Variants in TSPOAP1 observed in about 807,000 individuals in gnomAD.
TSPOAP1 encodes the protein peripheral-type benzodiazepine receptor-associated protein 1.
Under a neutral mutation model 197.0 loss-of-function variants are expected in TSPOAP1, and 87 were observed. That is an observed-to-expected ratio of 0.44 (90% CI 0.37 to 0.53). The LOEUF is 0.53. Among genes scored for constraint, TSPOAP1 ranks in the 20% least tolerant of loss-of-function variants. The pLI is 0.00. For missense variants in TSPOAP1, 2,174 were observed against 2,411.3 expected, an observed-to-expected ratio of 0.90 and a Z score of 2.06; for synonymous variants, 913 against 998.9, an observed-to-expected ratio of 0.91 and a Z score of 1.62.
rs767858339 is a variant in TSPOAP1, at chr17:58,311,039, G to GGGCTGGCA, written c.3248_3255dup (p.Arg1086CysfsTer146). On this transcript the variant is annotated frameshift_variant, in exon 19 of 32. Coordinates refer to ENST00000343736, the MANE Select transcript of TSPOAP1 (RefSeq NM_004758.4). LOFTEE classifies it high-confidence loss of function. ...GGGTGCGGTGAGGGGCAGGAGACTC[G>GGGCTGGCA]GGCTGGCAGGCTGGCCGGAGCCAGG... The GGGCTGGCA allele has an allele frequency of 6.3e-7, 1 of 1,586,394 alleles. No homozygotes were observed. The highest frequency in any genetic ancestry group is 1.1e-5 in the South Asian group (1 of 88,088).
chr17:58,312,641 A>C lies in TSPOAP1; in HGVS notation c.2180T>G (p.Leu727Arg). 1.2e-6 allele frequency: 2 copies of C among 1,613,710 alleles called. No homozygotes were observed. The highest frequency in any genetic ancestry group is 8.5e-7 in the Non-Finnish European group (1 of 1,180,006). Reference protein sequence around the residue: ...RVSDDDLLTSLPPELADLSHS... With the variant: ...RVSDDDLLTSRPPELADLSHS... ...GGACAAATCGGCCAGCTCTGGAGGG[A>C]GGGAGGTCAGGAGGTCATCATCCGA... The change falls in exon 17 of 32, where the codon CTC becomes CGC. Residue 727 changes from leucine (L) to arginine (R), a missense_variant. By Grantham distance (102) the Leu-to-Arg change is moderately radical. Around this residue, in one of 5 missense-constraint regions of TSPOAP1, gnomAD observed 1,933 missense variants for 2,139.0 expected, o/e 0.90. Coordinates refer to ENST00000343736, the MANE Select transcript of TSPOAP1 (RefSeq NM_004758.4).
rs753883545 is a variant in TSPOAP1, at chr17:58,304,426, A to T, written c.5545-27T>A. ...TGAGGACAGGGAACAAAGAGAGGAG[A>T]TGGGTTACCGACAGACCCGCACCTT... On this transcript the variant is annotated intron_variant, in intron 30 of 31. Coordinates refer to ENST00000343736, the MANE Select transcript of TSPOAP1 (RefSeq NM_004758.4). The surrounding 1 kb of genome is among the most constrained non-coding windows in gnomAD (Gnocchi z 4.2). 8 of 1,605,208 alleles carry T rather than the reference A, an allele frequency of 5.0e-6. No homozygotes were observed. The South Asian group carries it at 7.7e-5, about 15-fold the overall frequency.
chr17:58,320,647 G>T (rs1971378073), intron 10 of TSPOAP1, 66 bp from the exon 11 acceptor site: 2 of 1,232,118 alleles, frequency 1.6e-6, no homozygotes, highest in Non-Finnish European at 2.1e-6. Context: ...AGAGAGGGCT[G>T]CGAGGGAGGA....
At position 58,323,022 on chromosome 17, in the gene TSPOAP1, T is replaced by C; in HGVS notation, c.1122A>G (p.Gln374=). The C allele has an allele frequency of 1.2e-6, 2 of 1,609,808 alleles. No individual in the cohort carries two copies. The highest frequency in any genetic ancestry group is 1.7e-6 in the Non-Finnish European group (2 of 1,178,224). Residue 374 remains glutamine, a synonymous_variant, in exon 8 of 32, where the codon CAA becomes CAG. Transcript: ENST00000343736. Reference sequence around the variant, plus strand: ...CCAGGCGGGCATTCTCATTCTGCGCTTGTCTCAGCTGCAGTTCCTGAGCGG... The same window carrying C: ...CCAGGCGGGCATTCTCATTCTGCGCCTGTCTCAGCTGCAGTTCCTGAGCGG... ...RCEELELQLR[Q]AQNENARLVE...
intron 22 of TSPOAP1, among the ~76,000 whole-genome samples, chr17:58,308,189 A>G (rs1375465996): frequency 1.3e-5 from 2 of 152,200 alleles, no homozygotes; most frequent in Non-Finnish European, 2.9e-5. Context: ...GAGTTGGCTG[A>G]GGAGCCCGCG....
In TSPOAP1 at chr17:58,307,954, G is replaced by T; in HGVS notation, c.4732-13C>A. On this transcript the variant is annotated splice_polypyrimidine_tract_variant and intron_variant, in intron 22 of 31. Transcript: ENST00000343736. ...CGGTCTCTGTTGCCTGCAAAAAGAG[G>T]GCAACAGATGGCAAAAGTAACACAC... is the stretch of plus-strand genomic sequence containing the variant. The T allele has an allele frequency of 6.3e-7, 1 of 1,599,200 alleles. No individual in the cohort carries two copies. The highest frequency in any genetic ancestry group is 1.1e-5 in the South Asian group (1 of 89,560).
chr17:58,302,238 C>T lies in TSPOAP1; in HGVS notation c.*242G>A, dbSNP rs1200123853. ...ACAGTGATCTGGGGGCCTCTCAGGG[C>T]CTCTTCTGCCTGCAGGATGGGCCAC... is the stretch of plus-strand genomic sequence containing the variant. On this transcript the variant is annotated 3_prime_UTR_variant, in exon 32 of 32. Transcript: ENST00000343736. 1 of 1,288,572 alleles carries T rather than the reference C, an allele frequency of 7.8e-7. No individual in the cohort carries two copies. Among genetic ancestry groups the T allele is most frequent in the East Asian group, 5.6e-5 (1 of 18,000 alleles). 79.8% of individuals were successfully genotyped at this position (1,288,572 alleles called of 1,614,324 possible).
intron 14 of TSPOAP1, 117 bp from the exon 15 acceptor site, chr17:58,316,657 T>C (rs1255248522): frequency 4.2e-6 from 3 of 715,158 alleles, no homozygotes; most frequent in South Asian, 1.8e-5. Flanking sequence ...AATGAGCACA[T>C]ACATGCTGCA....
chr17:58,312,405 T>G lies in TSPOAP1; in HGVS notation c.2416A>C (p.Ser806Arg). 1 of 1,612,862 alleles carries G rather than the reference T, an allele frequency of 6.2e-7. No individual in the cohort carries two copies. The highest frequency in any genetic ancestry group is 8.5e-7 in the Non-Finnish European group (1 of 1,179,658). ...RLVVLKQLAH[S>R]VVLAWEPPPE... The stretch of plus-strand genomic sequence containing the variant: ...GGCGGCTCCCAGGCCAGCACCACGC[T>G]GTGGGCCAGCTGCTTGAGGACCACC... Residue 806 changes from serine (S) to arginine (R), a missense_variant, in exon 17 of 32, where the codon AGC (serine) becomes CGC (arginine). By Grantham distance (110) the Ser-to-Arg change is moderately radical (BLOSUM62 -1). Transcript: ENST00000343736.
At chr17:58,315,985 A>AG (rs745898370) in intron 16 of TSPOAP1, 38 bp downstream of exon 16, 21 of 1,476,982 alleles carry the variant, frequency 1.4e-5, no homozygotes, top group Non-Finnish European at 1.9e-5. Context: ...GCTCAAAGGC[A>AG]GGGGAATGGA....
chr17:58,319,129 A>T lies in TSPOAP1; in HGVS notation c.1660T>A (p.Cys554Ser). Residue 554 changes from cysteine (C) to serine (S), a missense_variant, in exon 13 of 32, where the codon TGC (cysteine) becomes AGC (serine). Cys to Ser is a moderately radical substitution (Grantham distance 112). This residue lies in a region of TSPOAP1 where 1,933 missense variants were observed against 2,139.0 expected (regional missense o/e 0.90). Coordinates refer to ENST00000343736, the MANE Select transcript of TSPOAP1 (RefSeq NM_004758.4). ...CCCCGGCAAGGCTGGGGAATGGAGC[A>T]GCAGCAGGGGGGTGGTGGGCAGTCT... The part of the protein sequence containing the change: ...LGDCPPPPCC[C>S]SIPQPCRGSG... 3.2e-6 allele frequency: 5 copies of T among 1,547,838 alleles called. No individual in the cohort carries two copies. The South Asian group carries it at 3.6e-5, about 11-fold the overall frequency.
Position 58,319,236 on chromosome 17 carries a change from A to G in TSPOAP1, c.1553T>C (p.Leu518Pro), listed in dbSNP as rs1286795533. The change falls in exon 13 of 32, where the codon CTG becomes CCG. Residue 518 changes from leucine (L) to proline (P), a missense_variant. Physicochemically the swap from Leu to Pro is moderately conservative, Grantham distance 98. Around this residue, in one of 5 missense-constraint regions of TSPOAP1, gnomAD observed 1,933 missense variants for 2,139.0 expected, o/e 0.90. Transcript: ENST00000343736. Reference sequence around the variant, plus strand: ...GCGGAAAGCCTGGAGTTCCTGTGCCAGGAGGCTGAACTGCTCGGTTTGGCT... The same window carrying G: ...GCGGAAAGCCTGGAGTTCCTGTGCCGGGAGGCTGAACTGCTCGGTTTGGCT... ...CRSQTEQFSL[L>P]AQELQAFRLH... 1.2e-5 allele frequency: 19 copies of G among 1,599,176 alleles called. No homozygotes were observed. Among genetic ancestry groups the G allele is most frequent in the Non-Finnish European group, 1.6e-5 (19 of 1,173,086 alleles).
Position 58,327,619 on chromosome 17 carries a change from G to A in TSPOAP1, c.302C>T (p.Pro101Leu). 6.2e-7 allele frequency: 1 copy of A among 1,613,442 alleles called. No homozygotes were observed. Among genetic ancestry groups the A allele is most frequent in the Non-Finnish European group, 8.5e-7 (1 of 1,179,946 alleles). The change falls in exon 1 of 32, where the codon CCA (proline) becomes CTA (leucine). Residue 101 changes from proline (P) to leucine (L), a missense_variant. Around this residue, in one of 5 missense-constraint regions of TSPOAP1, gnomAD observed 1,933 missense variants for 2,139.0 expected, o/e 0.90. Coordinates refer to ENST00000343736, the MANE Select transcript of TSPOAP1 (RefSeq NM_004758.4). ...ASSSGPACQR[P>L]EDEEVEAFLK... is the part of the protein sequence containing the mutation. Reference sequence around the variant, plus strand: ...GAAAGCCTCCACTTCCTCATCCTCTGGCCTCTGGCAGGCGGGTCCAGAGCT... The same window carrying A: ...GAAAGCCTCCACTTCCTCATCCTCTAGCCTCTGGCAGGCGGGTCCAGAGCT...
chr17:58,323,814 T>C (rs1181678611), intron 5 of TSPOAP1, among the ~76,000 whole-genome samples: 1 of 152,222 alleles, frequency 6.6e-6, no homozygotes, highest in Non-Finnish European at 1.5e-5. Context: ...AGATGGGTCC[T>C]TTATCCAGGC....
chr17:58,309,577 G>A lies in TSPOAP1; in HGVS notation c.3892-197C>T, dbSNP rs572523775. Among the ~76,000 whole-genome samples, 1 of 152,022 alleles carries A rather than the reference G, an allele frequency of 6.6e-6. No individual in the cohort carries two copies. Among genetic ancestry groups the A allele is most frequent in the Non-Finnish European group, 1.5e-5 (1 of 67,992 alleles). On this transcript the variant is annotated intron_variant, in intron 21 of 31. Transcript: ENST00000343736. This position sits in a 1 kb window ranked among gnomAD's most constrained non-coding sequence, Gnocchi z 5.0. ...CCAAATTCACACACATATCCAGTGA[G>A]AGCCAAAGGAAGAATTAGGGAACAC...
At chr17:58,315,386 GCC>G (rs1971197133) in intron 16 of TSPOAP1, among the ~76,000 whole-genome samples, 3 of 152,214 alleles carry the variant, frequency 2.0e-5, no homozygotes, top group African/African-American at 7.2e-5. Flanking sequence ...GATGGACTCA[GCC>G]TGGTGGTACC....
chr17:58,323,581 G>A (rs1246723204), intron 5 of TSPOAP1, 36 bp from the exon 6 acceptor site: 2 of 1,604,266 alleles, frequency 1.2e-6, no homozygotes, highest in East Asian at 4.5e-5. Context: ...TGGCACCTGA[G>A]AACAGGGCCC....
In TSPOAP1 at chr17:58,308,655, A is replaced by G. The variant is rs767444694; in HGVS notation, c.4617T>C (p.Pro1539=). The change falls in exon 22 of 32, where the codon CCT becomes CCC. Residue 1539 remains proline, a synonymous_variant. Transcript: ENST00000343736. ...GCTTGGGGCCTGAATTGGCCTTCGG[A>G]GGCCCCCTGGGCCTTCCTACAGTTG... ...GTATVGRPRG[P]PKANSGPKPY... The G allele has an allele frequency of 1.2e-6, 2 of 1,609,852 alleles. No homozygotes were observed. The highest frequency in any genetic ancestry group is 1.7e-5 in the Admixed American group (1 of 59,870).
chr17:58,304,655 G>C lies in TSPOAP1; in HGVS notation c.5545-256C>G. On this transcript the variant is annotated intron_variant, in intron 30 of 31. Transcript: ENST00000343736. This position sits in a 1 kb window ranked among gnomAD's most constrained non-coding sequence, Gnocchi z 4.2. ...AAGGAACGAGAACCCAGGAAGCTGG[G>C]CCTGGCTGGGCAACTGGCTTCCAAA... The C allele has an allele frequency of 1.7e-5, 10 of 578,496 alleles. No homozygotes were observed. The highest frequency in any genetic ancestry group is 1.5e-5 in the Non-Finnish European group (5 of 323,062). 35.8% of individuals were successfully genotyped at this position (578,496 alleles called of 1,614,324 possible).
Sources: allele counts gnomAD v4.1 joint callset (sites outside exome capture counted in the v4.1 genomes callset), GRCh38; gene constraint gnomAD v4.1.1; regional missense constraint gnomAD v4.1.1; non-coding constraint Gnocchi (gnomAD v3.1); transcripts MANE v1.5; gene names NCBI Gene and HGNC (gene_info 2026-07-23, HGNC 2026-07-21).